DNASE1: variants seen among roughly 807,000 people sequenced by gnomAD.
DNASE1 encodes the protein deoxyribonuclease-1.
Under a neutral mutation model 33.9 loss-of-function variants are expected in DNASE1, and 40 were observed. The ratio of observed to expected loss-of-function variants is 1.18; its 90% CI spans 0.92 to 1.54. The LOEUF is 1.54. Among genes scored for constraint, DNASE1 ranks in the 40% most tolerant of loss-of-function variants. The pLI is 0.00. For missense variants in DNASE1, 518 were observed against 372.6 expected, an observed-to-expected ratio of 1.39 and a Z score of -3.21; for synonymous variants, 216 against 160.0, an observed-to-expected ratio of 1.35 and a Z score of -2.64.
At chr16:3,662,415 A>G, downstream of DNASE1, 1 of 562,816 alleles carries the variant, frequency 1.8e-6, no homozygotes, top group African/African-American at 1.9e-5. Context: ...ATGCCAGCCC[A>G]CCCTGCATGA....
upstream of DNASE1, among the ~76,000 whole-genome samples, chr16:3,638,521 G>A (rs2041941146): frequency 6.6e-6 from 1 of 152,140 alleles, no homozygotes; most frequent in Non-Finnish European, 1.5e-5. Context: ...GTATTTTTTA[G>A]TAGAGACGGT....
At chr16:3,663,597 G>T (rs780992830) in exon 10 of DNASE1, 1 of 1,610,818 alleles carries the variant, frequency 6.2e-7, no homozygotes, top group South Asian at 1.1e-5. Context: ...ATCAGACCCC[G>T]GGGGCCTCCA....
At chr16:3,662,147 C>A (rs768292446), downstream of DNASE1, 6 of 1,607,460 alleles carry the variant, frequency 3.7e-6, no homozygotes, top group Non-Finnish European at 5.1e-6. Flanking sequence ...GAGCAAAGCC[C>A]GGGGTTGAGG....
At chr16:3,644,088 T>C (rs1009001277) in intron 1 of DNASE1, among the ~76,000 whole-genome samples, 2 of 152,210 alleles carry the variant, frequency 1.3e-5, no homozygotes, top group African/African-American at 2.4e-5. Context: ...GATTGTTTCA[T>C]AGAATTGGAA....
At chr16:3,620,133 G>A (rs1288153800) in intron 1 of DNASE1, among the ~76,000 whole-genome samples, 1 of 151,366 alleles carries the variant, frequency 6.6e-6, no homozygotes, top group Non-Finnish European at 1.5e-5. Context: ...CCAGGCTGGT[G>A]TTGAACTCCT....
chr16:3,612,147 G>A (rs1194573491), intron 1 of DNASE1: 1 of 152,556 alleles, frequency 6.6e-6, no homozygotes, highest in Admixed American at 6.5e-5. Flanking sequence ...GGGCCTGGGG[G>A]AAAGGTAGCA....
upstream of DNASE1, among the ~76,000 whole-genome samples, chr16:3,642,572 C>T (rs1311833097): frequency 1.3e-5 from 2 of 152,208 alleles, no homozygotes; most frequent in African/African-American, 4.8e-5. Flanking sequence ...AGGCCCTGCT[C>T]TCGGTGCTGC....
chr16:3,659,779 A>G (rs773415561), downstream of DNASE1: 1 of 145,762 alleles, frequency 6.9e-6, no homozygotes, highest in African/African-American at 2.6e-5. Flanking sequence ...ATAGATAGAT[A>G]GACTCTCACT....
chr16:3,655,842 C>T lies in DNASE1; in HGVS notation c.148-7C>T, dbSNP rs1003830486. ...CCTGCTCAGCACCACTGTGGCCCTG[C>T]CCCCAGATCCTGAGCCGCTATGACA... On this transcript the variant is annotated splice_polypyrimidine_tract_variant and splice_region_variant and intron_variant, in intron 2 of 8. Coordinates refer to ENST00000246949, the MANE Select transcript of DNASE1 (RefSeq NM_005223.4). 4.3e-6 allele frequency: 7 copies of T among 1,613,014 alleles called. No individual in the cohort carries two copies. The highest frequency in any genetic ancestry group is 1.3e-5 in the African/African-American group (1 of 74,926).
At position 3,657,693 on chromosome 16, in the gene DNASE1, CTACTTTCTCTTCCCAA is replaced by C. The variant is rs1417249850; in HGVS notation, c.705-26_705-11del. 1.2e-5 allele frequency: 19 copies of C among 1,613,206 alleles called. No individual in the cohort carries two copies. Among genetic ancestry groups the C allele is most frequent in the Non-Finnish European group, 1.5e-5 (18 of 1,179,950 alleles). On this transcript the variant is annotated splice_polypyrimidine_tract_variant and intron_variant, in intron 7 of 8. Transcript: ENST00000246949. ...CCAGGCCCATGTGTGAAAGGGGAACCTACTTTCTCTTCCCAACACCCATCAGGATCGTGGTTGCAGG... is the reference window on the plus strand; with the variant it reads ...CCAGGCCCATGTGTGAAAGGGGAACCCACCCATCAGGATCGTGGTTGCAGG...
chr16:3,626,703 AGAAGTGTT>A (rs914265744), intron 1 of DNASE1, among the ~76,000 whole-genome samples: 1 of 152,110 alleles, frequency 6.6e-6, no homozygotes, highest in African/African-American at 2.4e-5. Flanking sequence ...CTATGTATTG[AGAAGTGTT>A]GAAGTCTCCA....
chr16:3,661,713 C>A, downstream of DNASE1: 1 of 381,518 alleles, frequency 2.6e-6, no homozygotes, highest in Non-Finnish European at 4.6e-6. Flanking sequence ...ATGTCCAGGA[C>A]ACGCACAGGT....
intron 1 of DNASE1, among the ~76,000 whole-genome samples, chr16:3,644,062 T>C (rs568473033): frequency 1.7e-4 from 26 of 152,258 alleles, no homozygotes; most frequent in Non-Finnish European, 2.9e-4. Flanking sequence ...TTTTAAATAA[T>C]AGAGATAAGA....
chr16:3,661,715 C>T (rs1049142585), downstream of DNASE1: 13 of 383,970 alleles, frequency 3.4e-5, no homozygotes, highest in Admixed American at 1.4e-4. Context: ...GTCCAGGACA[C>T]GCACAGGTGG....
In DNASE1 at chr16:3,657,288, G is replaced by C; in HGVS notation, c.651G>C (p.Leu217=). ...GGACAAGCCCCACCTTCCAGTGGCTGATCCCCGACAGCGCTGACACCACAG... is the reference window on the plus strand; with the variant it reads ...GGACAAGCCCCACCTTCCAGTGGCTCATCCCCGACAGCGCTGACACCACAG... The part of the protein sequence containing the change: ...RLWTSPTFQW[L]IPDSADTTAT... The change falls in exon 7 of 9, where the codon CTG becomes CTC. Residue 217 remains leucine, a synonymous_variant. Coordinates refer to ENST00000246949, the MANE Select transcript of DNASE1 (RefSeq NM_005223.4). 6.2e-7 allele frequency: 1 copy of C among 1,613,962 alleles called. No individual in the cohort carries two copies. The highest frequency in any genetic ancestry group is 8.5e-7 in the Non-Finnish European group (1 of 1,180,032).
At chr16:3,615,006 G>A (rs2041049405) in intron 1 of DNASE1, among the ~76,000 whole-genome samples, 1 of 152,058 alleles carries the variant, frequency 6.6e-6, no homozygotes. Flanking sequence ...ATTAGTTGAA[G>A]TGTGGTTTAG....
intron 1 of DNASE1, among the ~76,000 whole-genome samples, chr16:3,649,390 T>C (rs923763942): frequency 5.9e-5 from 9 of 152,240 alleles, no homozygotes; most frequent in African/African-American, 2.2e-4. Flanking sequence ...GTTGAGTTCC[T>C]AGCATCCCCC....
chr16:3,619,947 GCT>G (rs1314332621), intron 1 of DNASE1, among the ~76,000 whole-genome samples: 4 of 132,886 alleles, frequency 3.0e-5, no homozygotes, highest in Non-Finnish European at 1.6e-5. Context: ...ACAGAGTCTT[GCT>G]CTGTCACCTA....
intron 1 of DNASE1, among the ~76,000 whole-genome samples, chr16:3,620,996 C>T (rs576915320): frequency 6.6e-6 from 1 of 152,172 alleles, no homozygotes; most frequent in East Asian, 1.9e-4. Flanking sequence ...GACGGGGTTT[C>T]ACCATATTGA....
Sources: gnomAD v4.1 joint callset for allele counts (sites outside exome capture counted in the v4.1 genomes callset) on GRCh38, gnomAD v4.1.1 for gene constraint, MANE v1.5 for transcripts, NCBI Gene and HGNC (gene_info 2026-07-23, HGNC 2026-07-21) for gene names.